Variants in RPL23A observed in about 807,000 individuals in gnomAD.
RPL23A encodes ribosomal protein L23a.
Under a neutral mutation model 17.6 loss-of-function variants are expected in RPL23A, and 2 were observed. The ratio of observed to expected loss-of-function variants is 0.11; its 90% CI spans 0.05 to 0.36. The LOEUF (loss-of-function observed/expected upper bound fraction) is 0.36, where lower values mean the gene tolerates loss of function less well. Among genes scored for constraint, RPL23A ranks in the 10% least tolerant of loss-of-function variants. The pLI, the probability that RPL23A is intolerant of heterozygous loss-of-function variation, is 1.00. For missense variants in RPL23A, 132 were observed against 194.4 expected (o/e 0.68, Z 1.91); for synonymous variants, 65 against 74.3 (o/e 0.87, Z 0.65).
chr17:28,722,953 A>G, intron 3 of RPL23A, 54 bp downstream of exon 3: 3 of 1,453,326 alleles, frequency 2.1e-6, no homozygotes, highest in Non-Finnish European at 2.9e-6. Context: ...TCTGGAGCCA[A>G]AAAAACCTGC....
intron 2 of RPL23A, 64 bp downstream of exon 2, chr17:28,720,954 C>A: frequency 1.4e-6 from 2 of 1,404,502 alleles, no homozygotes; most frequent in Non-Finnish European, 2.0e-6. Flanking sequence ...TTTGGAAATT[C>A]ACTCACTCTG....
rs1024789904 is a variant in RPL23A at position 28,723,385 on chromosome 17, G to A, written c.387-186G>A. On this transcript the variant is annotated intron_variant, in intron 3 of 4. Transcript: ENST00000422514. ...TTTAAGTCTTAATGTGGCCTGTGGT[G>A]TTTCCCATAAGAGAATTGGCTTTGT... 9.2e-6 allele frequency: 7 copies of A among 764,898 alleles called. No homozygotes were observed. The African/African-American group carries it at 1.2e-4, about 13-fold the overall frequency. The allele number at this position is 764,898 out of a possible 1,614,324, so 47.4% of individuals were successfully genotyped here.
At position 28,720,615 on chromosome 17, in the gene RPL23A, A is replaced by C. The variant is rs376723696; in HGVS notation, c.26-92A>C. 2.0e-5 allele frequency: 28 copies of C among 1,424,170 alleles called. No homozygotes were observed. The East Asian group carries it at 2.0e-4, about 10-fold the overall frequency. The allele number at this position is 1,424,170 out of a possible 1,614,324, so 88.2% of individuals were successfully genotyped here. A position where few individuals can be genotyped will look rare whatever the true frequency, so the allele number is the denominator to read the frequency against. ...ATGTCTTCAAAGGAACCACTGATGC[A>C]CCTGTGGCCAGGGTGGCCCACTGCA... On this transcript the variant is annotated intron_variant, in intron 1 of 4. Coordinates refer to ENST00000422514, the MANE Select transcript of RPL23A (RefSeq NM_000984.6).
chr17:28,722,650 C>A, intron 2 of RPL23A, 73 bp from the exon 3 acceptor site: 1 of 1,217,138 alleles, frequency 8.2e-7, no homozygotes, highest in South Asian at 1.2e-5. Flanking sequence ...TTGTCTGATG[C>A]ACCTAGGCTC....
At chr17:28,722,617 T>A (rs1045725603) in intron 2 of RPL23A, 106 bp from the exon 3 acceptor site, 1 of 960,988 alleles carries the variant, frequency 1.0e-6, no homozygotes, top group Non-Finnish European at 1.7e-6. Context: ...GACCAAAGTC[T>A]GAACAAAGTG....
At chr17:28,721,085 C>T (rs1044494708) in intron 2 of RPL23A, 195 bp downstream of exon 2, 1 of 522,556 alleles carries the variant, frequency 1.9e-6, no homozygotes, top group South Asian at 2.1e-5. Flanking sequence ...GGCGCGGTGG[C>T]TCACGTCTGT....
intron 1 of RPL23A, chr17:28,720,264 G>A: frequency 6.5e-7 from 1 of 1,543,832 alleles, no homozygotes; most frequent in Non-Finnish European, 8.8e-7. Flanking sequence ...CGCCAGGGAG[G>A]GCCAGACATT....
chr17:28,721,327 C>A (rs537494239), intron 2 of RPL23A: 1 of 161,064 alleles, frequency 6.2e-6, no homozygotes, highest in South Asian at 1.5e-4. Context: ...GCATTCCAGC[C>A]TGGGCAATAA....
chr17:28,720,461 G>C (rs1471654859), intron 1 of RPL23A: 1 of 1,610,032 alleles, frequency 6.2e-7, no homozygotes, highest in Non-Finnish European at 8.5e-7. Flanking sequence ...ACATTTTCTG[G>C]AAAGTATCAA....
Position 28,720,266 on chromosome 17 carries a change from C to G in RPL23A, c.25+236C>G, listed in dbSNP as rs1243136139. ...GGCAGGCATCATCCGCCAGGGAGGGCCAGACATTCGGTTCTGGGAAGCTAC... is the reference window on the plus strand; with the variant it reads ...GGCAGGCATCATCCGCCAGGGAGGGGCAGACATTCGGTTCTGGGAAGCTAC... On this transcript the variant is annotated intron_variant, in intron 1 of 4. Coordinates refer to ENST00000422514, the MANE Select transcript of RPL23A (RefSeq NM_000984.6). 1.9e-6 allele frequency: 3 copies of G among 1,543,132 alleles called. No individual in the cohort carries two copies. In the South Asian group the frequency reaches 3.6e-5, roughly 18 times the overall value.
intron 1 of RPL23A, chr17:28,720,237 A>G (rs747346621): frequency 3.1e-5 from 48 of 1,539,264 alleles, no homozygotes; most frequent in Non-Finnish European, 3.0e-5. Context: ...GGGGGGGGCA[A>G]CGCGGCAGGC....
chr17:28,721,252 G>C (rs758076561), intron 2 of RPL23A: 2 of 219,226 alleles, frequency 9.1e-6, no homozygotes, highest in Admixed American at 5.2e-5. Context: ...CTCGCGGGAG[G>C]CTGAGGCAGG....
In RPL23A at chr17:28,723,948, C is replaced by T. The variant is rs2034164716; in HGVS notation, c.*67C>T. ...ATCTTTTCACCATATACATGCCTGT[C>T]TGTCAATTTCTGGTTGGGCTGGGAG... On this transcript the variant is annotated 3_prime_UTR_variant, in exon 5 of 5. Coordinates refer to ENST00000422514, the MANE Select transcript of RPL23A (RefSeq NM_000984.6). 7 of 1,170,630 alleles carry T rather than the reference C, an allele frequency of 6.0e-6. No homozygotes were observed. The East Asian group carries it at 1.3e-4, about 22-fold the overall frequency. 72.5% of individuals were successfully genotyped at this position (1,170,630 alleles called of 1,614,324 possible). A position where few individuals can be genotyped will look rare whatever the true frequency, so the allele number is the denominator to read the frequency against.
In RPL23A at chr17:28,720,842, T is replaced by G; in HGVS notation, c.161T>G (p.Leu54Arg). ...TTCCGGCGGCCGAAGACACTGCGACTCCGGAGACAGCCCAAATATCCTCGG... is the reference window on the plus strand; with the variant it reads ...TTCCGGCGGCCGAAGACACTGCGACGCCGGAGACAGCCCAAATATCCTCGG... The part of the protein sequence containing the change: ...PTFRRPKTLR[L>R]RRQPKYPRKS... The change falls in exon 2 of 5, where the codon CTC becomes CGC. Residue 54 changes from leucine to arginine, a missense_variant. Leu to Arg is a moderately radical substitution (Grantham distance 102). This residue lies in a region of RPL23A where 69 missense variants were observed against 145.5 expected (regional missense o/e 0.47). Coordinates refer to ENST00000422514, the MANE Select transcript of RPL23A (RefSeq NM_000984.6). The G allele has an allele frequency of 6.2e-7, 1 of 1,614,104 alleles. No individual in the cohort carries two copies. The highest frequency in any genetic ancestry group is 8.5e-7 in the Non-Finnish European group (1 of 1,179,952).
chr17:28,720,121 C>T (rs2034076234), intron 1 of RPL23A, 91 bp downstream of exon 1: 2 of 1,535,602 alleles, frequency 1.3e-6, no homozygotes, highest in Non-Finnish European at 1.8e-6. Context: ...TGGGCTAAGC[C>T]CTGAGGGCTC....
intron 1 of RPL23A, chr17:28,720,490 T>G: frequency 6.3e-7 from 1 of 1,583,400 alleles, no homozygotes; most frequent in South Asian, 1.1e-5. Flanking sequence ...TCAGTGCTAC[T>G]TTGTTTCATA....
intron 3 of RPL23A, 21 bp downstream of exon 3, chr17:28,722,920 T>TGGG: frequency 2.5e-6 from 4 of 1,610,102 alleles, no homozygotes; most frequent in Non-Finnish European, 3.4e-6. Flanking sequence ...CCTCAAGGGA[T>TGGG]GGGGAGCAGG....
At chr17:28,722,618 G>T in intron 2 of RPL23A, 105 bp from the exon 3 acceptor site, 1 of 973,702 alleles carries the variant, frequency 1.0e-6, no homozygotes, top group Non-Finnish European at 1.7e-6. Context: ...ACCAAAGTCT[G>T]AACAAAGTGA....
At chr17:28,722,985 T>G (rs2034142633) in intron 3 of RPL23A, 86 bp downstream of exon 3, 1 of 1,037,964 alleles carries the variant, frequency 9.6e-7, no homozygotes, top group South Asian at 1.3e-5. Flanking sequence ...CTTTTTGATG[T>G]TTAGGTAGTC....
Sources: allele counts gnomAD v4.1 joint callset, GRCh38; gene constraint gnomAD v4.1.1; regional missense constraint gnomAD v4.1.1; transcripts MANE v1.5; gene names NCBI Gene and HGNC (gene_info 2026-07-23, HGNC 2026-07-21).